The following CDH13 variants were observed in gnomAD, a reference collection of about 807,000 sequenced individuals.
The protein encoded by CDH13 is cadherin-13.
In CDH13, 24 loss-of-function variants were observed where a neutral mutation model predicts 63.8. The observed-to-expected ratio is 0.38, with a 90% CI of 0.27 to 0.53. The LOEUF (loss-of-function observed/expected upper bound fraction) is 0.53. Ranked by LOEUF, CDH13 falls within the 20% of genes least tolerant of loss-of-function variation. CDH13 has a pLI of 0.85. For synonymous variants in CDH13, 503 were observed against 355.3 expected, an observed-to-expected ratio of 1.42 and a Z score of -4.67; for missense variants, 1,049 against 903.1, an observed-to-expected ratio of 1.16 and a Z score of -2.07.
At chr16:82,667,365 C>T (rs938999336) in intron 1 of CDH13, among the ~76,000 whole-genome samples, 1 of 152,172 alleles carries the variant, frequency 6.6e-6, no homozygotes, top group East Asian at 1.9e-4. Flanking sequence ...TCCCCAAGTG[C>T]AACTGATTGA....
At chr16:83,699,233 C>T (rs1330803018) in intron 10 of CDH13, among the ~76,000 whole-genome samples, 1 of 152,248 alleles carries the variant, frequency 6.6e-6, no homozygotes, top group Non-Finnish European at 1.5e-5. Context: ...CATCATCATT[C>T]TGCCTCCTGT....
intron 2 of CDH13, among the ~76,000 whole-genome samples, chr16:83,010,050 A>G (rs924594496): frequency 2.7e-5 from 4 of 148,084 alleles, no homozygotes; most frequent in South Asian, 2.2e-4. Context: ...CAGGAGAATC[A>G]CTTCAACCCA....
intron 6 of CDH13, among the ~76,000 whole-genome samples, chr16:83,460,182 C>A (rs1334439476): frequency 3.3e-5 from 5 of 152,136 alleles, no homozygotes; most frequent in Non-Finnish European, 7.3e-5. Flanking sequence ...ATTCCAGTAA[C>A]AATTAGATGT....
chr16:83,369,039 T>A (rs2091312833), intron 6 of CDH13, among the ~76,000 whole-genome samples: 1 of 150,622 alleles, frequency 6.6e-6, no homozygotes, highest in South Asian at 2.1e-4. Flanking sequence ...TGTGCAAGTA[T>A]CTTTTTCGTA....
At chr16:82,833,083 A>G (rs1233820625) in intron 1 of CDH13, among the ~76,000 whole-genome samples, 1 of 152,220 alleles carries the variant, frequency 6.6e-6, no homozygotes, top group African/African-American at 2.4e-5. Context: ...TTATGGTAAC[A>G]TTCCCAGATG....
chr16:82,736,491 TA>T (rs1303431856), intron 1 of CDH13, among the ~76,000 whole-genome samples: 37 of 152,106 alleles, frequency 2.4e-4, no homozygotes, highest in Admixed American at 2.4e-3. Flanking sequence ...GAGCTAATGG[TA>T]AAAATAAACA....
chr16:82,719,224 A>C (rs1316090873), intron 1 of CDH13: 1 of 323,672 alleles, frequency 3.1e-6, no homozygotes, highest in Non-Finnish European at 6.2e-6. Context: ...AGGAGTTTCC[A>C]CGAGCAGGAA....
At chr16:82,819,210 A>C (rs555999482) in intron 1 of CDH13, among the ~76,000 whole-genome samples, 1 of 152,340 alleles carries the variant, frequency 6.6e-6, no homozygotes, top group African/African-American at 2.4e-5. Context: ...AGTTACAAAA[A>C]CAATCAATTA....
At chr16:83,069,787 A>G (rs921719542) in intron 3 of CDH13, among the ~76,000 whole-genome samples, 11 of 152,092 alleles carry the variant, frequency 7.2e-5, no homozygotes, top group Non-Finnish European at 1.6e-4. Context: ...TGGTCCATGC[A>G]TCTCCTTAGA....
Position 83,170,505 on chromosome 16 carries a change from A to G in CDH13, c.483+45004A>G, listed in dbSNP as rs2037871866. Reference sequence around the variant, plus strand: ...AAAGCGTGAGAAACTCACCAATACAATTTCCCCCAATTCCACTCTATCAGC... The same window carrying G: ...AAAGCGTGAGAAACTCACCAATACAGTTTCCCCCAATTCCACTCTATCAGC... On this transcript the variant is annotated intron_variant, in intron 4 of 13. Transcript: ENST00000567109. Among the ~76,000 whole-genome samples the G allele has an allele frequency of 3.9e-5, 6 of 152,010 alleles. No homozygotes were observed. The South Asian group carries it at 1.2e-3, about 32-fold the overall frequency.
intron 8 of CDH13, among the ~76,000 whole-genome samples, chr16:83,618,738 G>A (rs940195973): frequency 1.1e-4 from 15 of 133,226 alleles, no homozygotes; most frequent in Non-Finnish European, 1.8e-4. Flanking sequence ...TATCGGTCAA[G>A]TAAAAAGAAA....
chr16:83,540,495 C>T (rs1430800339), intron 7 of CDH13, among the ~76,000 whole-genome samples: 1 of 152,202 alleles, frequency 6.6e-6, no homozygotes, highest in East Asian at 1.9e-4. Context: ...GCTCTAGAAG[C>T]TCAGGGGTGC....
chr16:83,301,700 C>A lies in CDH13; in HGVS notation c.637-43162C>A, dbSNP rs764349735. 9.9e-4 allele frequency among the ~76,000 whole-genome samples: 150 copies of A among 152,264 alleles called. 1 individual carries two copies. The highest frequency in any genetic ancestry group is 1.5e-3 in the Non-Finnish European group (99 of 68,020). On this transcript the variant is annotated intron_variant, in intron 5 of 13. Coordinates refer to ENST00000567109, the MANE Select transcript of CDH13 (RefSeq NM_001257.5). ...TGAACGTTAGTGTACCTTATTATGG[C>A]TATACTTGGTCTCAGGATGCCTTCT...
intron 3 of CDH13, among the ~76,000 whole-genome samples, chr16:83,117,195 A>T (rs540042736): frequency 6.6e-6 from 1 of 152,280 alleles, no homozygotes; most frequent in South Asian, 2.1e-4. Flanking sequence ...TGCGGAGTAA[A>T]AGCCAGGGCC....
chr16:83,382,478 A>C (rs560894442), intron 6 of CDH13, among the ~76,000 whole-genome samples: 1 of 151,952 alleles, frequency 6.6e-6, no homozygotes, highest in African/African-American at 2.4e-5. Flanking sequence ...CGTACACTCT[A>C]TCTCCCTATG....
intron 6 of CDH13, among the ~76,000 whole-genome samples, chr16:83,464,394 C>G (rs2073257099): frequency 6.6e-6 from 1 of 152,142 alleles, no homozygotes; most frequent in Admixed American, 6.5e-5. Context: ...TCCCTGTAAT[C>G]CCAGCTACTA....
intron 4 of CDH13, among the ~76,000 whole-genome samples, chr16:83,140,784 G>A (rs192812479): frequency 3.9e-5 from 6 of 152,318 alleles, no homozygotes; most frequent in Admixed American, 3.9e-4. Flanking sequence ...CATAGAGCAT[G>A]ACATAAAATG....
intron 3 of CDH13, among the ~76,000 whole-genome samples, chr16:83,049,109 A>T (rs1025482881): frequency 6.6e-6 from 1 of 152,166 alleles, no homozygotes; most frequent in Non-Finnish European, 1.5e-5. Context: ...GGTAAAATTT[A>T]CATAACATAA....
chr16:83,646,563 G>A (rs551050629), intron 8 of CDH13, among the ~76,000 whole-genome samples: 25 of 151,944 alleles, frequency 1.6e-4, no homozygotes, highest in East Asian at 1.4e-3. Context: ...TTAGCTGGGC[G>A]TGGTGGCGCA....
Sources: allele counts gnomAD v4.1 joint callset (sites outside exome capture counted in the v4.1 genomes callset), GRCh38; gene constraint gnomAD v4.1.1; transcripts MANE v1.5; gene names NCBI Gene and HGNC (gene_info 2026-07-23, HGNC 2026-07-21).